The following SIPA1L3 variants were observed in gnomAD, a reference collection of about 807,000 sequenced individuals.
SIPA1L3 encodes the protein signal-induced proliferation-associated 1-like protein 3.
SIPA1L3 carries 59 observed loss-of-function variants against 150.1 expected under a neutral mutation model. That is an observed-to-expected ratio of 0.39 (90% CI 0.32 to 0.49). The LOEUF is 0.49. Ranked by LOEUF, SIPA1L3 falls within the 20% of genes least tolerant of loss-of-function variation. SIPA1L3 has a pLI of 0.86. For synonymous variants in SIPA1L3, 1,070 were observed against 1,077.6 expected (o/e 0.99, Z 0.14); for missense variants, 2,211 against 2,489.5 (o/e 0.89, Z 2.38).
intron 10 of SIPA1L3, among the ~76,000 whole-genome samples, chr19:38,134,302 C>G (rs1426382497): frequency 6.7e-6 from 1 of 148,782 alleles, no homozygotes; most frequent in Non-Finnish European, 1.5e-5. Context: ...TAAAAATCAG[C>G]TAGGTGTGAT....
intron 2 of SIPA1L3, among the ~76,000 whole-genome samples, chr19:38,078,272 C>T (rs1487568992): frequency 6.6e-6 from 1 of 152,148 alleles, no homozygotes; most frequent in South Asian, 2.1e-4. Flanking sequence ...CCCCCTTGCT[C>T]CCCACTCTCC....
At chr19:38,138,368 G>A (rs920740901) in intron 10 of SIPA1L3, among the ~76,000 whole-genome samples, 3 of 152,126 alleles carry the variant, frequency 2.0e-5, no homozygotes, top group African/African-American at 4.8e-5. Context: ...AAAAGGTGAT[G>A]TACTGATCAG....
At chr19:37,945,657 T>C (rs1207005076) in intron 1 of SIPA1L3, among the ~76,000 whole-genome samples, 1 of 152,162 alleles carries the variant, frequency 6.6e-6, no homozygotes, top group Non-Finnish European at 1.5e-5. Context: ...CCCCCGTGTC[T>C]GTGGGTCAAG....
chr19:38,077,959 C>G (rs771593136), intron 2 of SIPA1L3, among the ~76,000 whole-genome samples: 1 of 152,156 alleles, frequency 6.6e-6, no homozygotes, highest in Non-Finnish European at 1.5e-5. Flanking sequence ...GCATGAGCCA[C>G]TGCGCCTGGC....
chr19:37,985,354 A>C (rs1967321366), intron 1 of SIPA1L3, among the ~76,000 whole-genome samples: 1 of 152,106 alleles, frequency 6.6e-6, no homozygotes. Flanking sequence ...CACCATGCCC[A>C]GCCAATTTTA....
chr19:38,146,286 A>G (rs1971702933), intron 12 of SIPA1L3, among the ~76,000 whole-genome samples: 1 of 152,166 alleles, frequency 6.6e-6, no homozygotes, highest in Non-Finnish European at 1.5e-5. Flanking sequence ...CGTTGTCGCG[A>G]GTCTCTAGTT....
intron 13 of SIPA1L3, among the ~76,000 whole-genome samples, chr19:38,158,402 G>C (rs2145972369): frequency 6.6e-6 from 1 of 152,344 alleles, no homozygotes; most frequent in Admixed American, 6.5e-5. Flanking sequence ...CCCTGAGGTG[G>C]TGGCGATGAG....
chr19:37,962,670 C>T (rs867892674), intron 1 of SIPA1L3, among the ~76,000 whole-genome samples: 5 of 151,570 alleles, frequency 3.3e-5, no homozygotes, highest in South Asian at 2.1e-4. Context: ...CACATGCATA[C>T]GTGTAGGGAT....
At chr19:38,176,585 T>C (rs529663485) in intron 15 of SIPA1L3, among the ~76,000 whole-genome samples, 2 of 152,246 alleles carry the variant, frequency 1.3e-5, no homozygotes, top group East Asian at 3.9e-4. Context: ...ATTCCGTACA[T>C]GTTCCCCATC....
intron 2 of SIPA1L3, among the ~76,000 whole-genome samples, chr19:38,034,796 T>C (rs1346332966): frequency 6.6e-6 from 1 of 152,192 alleles, no homozygotes; most frequent in East Asian, 1.9e-4. Context: ...CCTCCCTTTT[T>C]CCAAACTATA....
intron 7 of SIPA1L3, 145 bp downstream of exon 7, chr19:38,106,785 AG>A (rs753208495): frequency 2.0e-4 from 126 of 633,544 alleles, no homozygotes; most frequent in Non-Finnish European, 3.1e-4. Flanking sequence ...CCTGGGGGTT[AG>A]AGAGCAGCCC....
intron 2 of SIPA1L3, among the ~76,000 whole-genome samples, chr19:38,037,951 C>T (rs751017646): frequency 3.3e-5 from 5 of 152,114 alleles, no homozygotes; most frequent in Non-Finnish European, 7.3e-5. Flanking sequence ...AAGCAGGCAC[C>T]TTCCATGGTC....
At chr19:38,001,833 T>A in intron 1 of SIPA1L3, among the ~76,000 whole-genome samples, 1 of 150,894 alleles carries the variant, frequency 6.6e-6, no homozygotes, top group East Asian at 2.0e-4. Flanking sequence ...ACATAACAAA[T>A]TTTTTTTATA....
At chr19:38,123,601 G>C (rs1205506290) in intron 9 of SIPA1L3, among the ~76,000 whole-genome samples, 9 of 150,480 alleles carry the variant, frequency 6.0e-5, no homozygotes, top group African/African-American at 2.0e-4. Flanking sequence ...AGATCAACAG[G>C]ATCCCAAGGC....
chr19:38,164,648 C>A lies in SIPA1L3; in HGVS notation c.3950C>A (p.Thr1317Asn), dbSNP rs148907597. The A allele has an allele frequency of 6.2e-7, 1 of 1,614,088 alleles. No individual in the cohort carries two copies. Among genetic ancestry groups the A allele is most frequent in the East Asian group, 2.2e-5 (1 of 44,890 alleles). ...SDSGIDTTLY[T>N]SSPSCMSLAK... is the part of the protein sequence containing the mutation. ...AGCGGCATCGACACCACCCTCTACA[C>A]CTCCAGCCCTAGCTGCATGTCCCTG... Residue 1317 changes from threonine to asparagine, a missense_variant, in exon 15 of 22, where the codon ACC (threonine) becomes AAC (asparagine). By Grantham distance (65) the Thr-to-Asn change is moderately conservative (BLOSUM62 0). Coordinates refer to ENST00000222345, the MANE Select transcript of SIPA1L3 (RefSeq NM_015073.3). This position sits in a 1 kb window ranked among gnomAD's most constrained non-coding sequence, Gnocchi z 4.1.
chr19:38,124,827 C>T (rs1395777596), intron 9 of SIPA1L3, among the ~76,000 whole-genome samples: 2 of 152,146 alleles, frequency 1.3e-5, no homozygotes, highest in Non-Finnish European at 2.9e-5. Context: ...CAGCGAAACC[C>T]CGTCTCCACC....
chr19:38,075,285 C>G (rs918677277), intron 2 of SIPA1L3, among the ~76,000 whole-genome samples: 2 of 151,502 alleles, frequency 1.3e-5, no homozygotes, highest in East Asian at 3.9e-4. Flanking sequence ...GGAGAAAACC[C>G]GTCTCTACAA....
chr19:38,206,171 G>A lies in SIPA1L3; in HGVS notation c.5277G>A (p.Glu1759=), dbSNP rs565060488. Residue 1759 remains glutamate (E), a synonymous_variant, in exon 22 of 22, where the codon GAG becomes GAA. Transcript: ENST00000222345. The stretch of plus-strand genomic sequence containing the variant: ...AGAACAACCAGCGGCTGCAGGAGGA[G>A]TCGCAGGCCGCCAGCGAGCAGCTGC... ...LRQNNQRLQE[E]SQAASEQLRK... 9 of 1,552,952 alleles carry A rather than the reference G, an allele frequency of 5.8e-6. No homozygotes were observed. The South Asian group carries it at 1.1e-4, about 18-fold the overall frequency.
At chr19:38,192,557 C>T (rs1245091088) in intron 17 of SIPA1L3, among the ~76,000 whole-genome samples, 3 of 152,192 alleles carry the variant, frequency 2.0e-5, no homozygotes, top group African/African-American at 7.2e-5. Context: ...TACCCCATAC[C>T]GAGAACCTCG....
Sources: allele counts gnomAD v4.1 joint callset (sites outside exome capture counted in the v4.1 genomes callset), GRCh38; gene constraint gnomAD v4.1.1; non-coding constraint Gnocchi (gnomAD v3.1); transcripts MANE v1.5; gene names NCBI Gene and HGNC (gene_info 2026-07-23, HGNC 2026-07-21).